Variants in SEPTIN11 observed in about 807,000 individuals in gnomAD.
SEPTIN11 encodes the protein septin 11.
SEPTIN11 carries 25 observed loss-of-function variants against 51.4 expected under a neutral mutation model. The ratio of observed to expected loss-of-function variants is 0.49; its 90% CI spans 0.35 to 0.68. The LOEUF (loss-of-function observed/expected upper bound fraction) is 0.68, where lower values mean the gene tolerates loss of function less well. Ranked by LOEUF, SEPTIN11 falls within the 30% of genes least tolerant of loss-of-function variation. SEPTIN11 has a pLI of 0.00. For synonymous variants in SEPTIN11, 174 were observed against 184.1 expected (o/e 0.95, Z 0.44); for missense variants, 381 against 520.8 (o/e 0.73, Z 2.61).
At chr4:77,028,254 G>A (rs1489105525) in intron 7 of SEPTIN11, among the ~76,000 whole-genome samples, 1 of 152,138 alleles carries the variant, frequency 6.6e-6, no homozygotes, top group Admixed American at 6.5e-5. Context: ...ATTCCAATCC[G>A]GATCTGTGGG....
intron 4 of SEPTIN11, among the ~76,000 whole-genome samples, chr4:77,013,012 G>A (rs183400120): frequency 7.9e-5 from 12 of 152,326 alleles, no homozygotes; most frequent in South Asian, 4.1e-4. Context: ...AGTGAGGGCC[G>A]CTTCCGGGTC....
At chr4:76,967,119 TCCAGGAGG>T (rs1722066101) in intron 1 of SEPTIN11, among the ~76,000 whole-genome samples, 1 of 151,928 alleles carries the variant, frequency 6.6e-6, no homozygotes, top group African/African-American at 2.4e-5. Context: ...ATTGCTTGAG[TCCAGGAGG>T]CAGAGGTTTC....
chr4:77,025,416 T>C (rs2109977949), intron 7 of SEPTIN11, among the ~76,000 whole-genome samples: 1 of 152,118 alleles, frequency 6.6e-6, no homozygotes, highest in East Asian at 1.9e-4. Flanking sequence ...TGGCACATGC[T>C]TGTGTTTGGT....
chr4:76,975,173 G>A (rs1376260063), intron 1 of SEPTIN11, among the ~76,000 whole-genome samples: 1 of 151,864 alleles, frequency 6.6e-6, no homozygotes, highest in East Asian at 1.9e-4. Flanking sequence ...CTTTTAAAAG[G>A]CTTATTGAAC....
intron 1 of SEPTIN11, among the ~76,000 whole-genome samples, chr4:76,966,388 C>CT (rs1183527245): frequency 6.6e-6 from 1 of 151,204 alleles, no homozygotes; most frequent in Admixed American, 6.6e-5. Context: ...ACTGTTAAGG[C>CT]TTGTAAAATG....
intron 1 of SEPTIN11, among the ~76,000 whole-genome samples, chr4:76,966,539 CAAT>C: frequency 6.6e-6 from 1 of 150,914 alleles, no homozygotes. Flanking sequence ...TTAAATCTAA[CAAT>C]AATACATCTT....
At chr4:77,028,825 G>A (rs1726381289) in intron 8 of SEPTIN11, 64 bp downstream of exon 8, 73 of 1,520,204 alleles carry the variant, frequency 4.8e-5, no homozygotes, top group Non-Finnish European at 6.1e-5. Flanking sequence ...AATACATCAC[G>A]CTTTAGAGGA....
At chr4:76,992,099 C>T (rs775967724) in intron 1 of SEPTIN11, among the ~76,000 whole-genome samples, 2 of 152,166 alleles carry the variant, frequency 1.3e-5, no homozygotes, top group Non-Finnish European at 2.9e-5. Context: ...TAGTTACTTA[C>T]TTAGTGGTTC....
intron 1 of SEPTIN11, among the ~76,000 whole-genome samples, chr4:76,976,699 C>T (rs950405842): frequency 2.6e-5 from 4 of 152,182 alleles, no homozygotes; most frequent in Admixed American, 6.5e-5. Flanking sequence ...GACCCAATAC[C>T]TCTAGTGAGG....
intron 1 of SEPTIN11, among the ~76,000 whole-genome samples, chr4:76,953,912 A>G (rs575416634): frequency 6.6e-6 from 1 of 152,354 alleles, no homozygotes; most frequent in South Asian, 2.1e-4. Flanking sequence ...AATAGTTCTT[A>G]GGTGTTTAGT....
Position 77,036,945 on chromosome 4 carries a change from T to C in SEPTIN11, c.*2433T>C. On this transcript the variant is annotated 3_prime_UTR_variant, in exon 10 of 10. Coordinates refer to ENST00000264893, the MANE Select transcript of SEPTIN11 (RefSeq NM_018243.4). ...TTTCTTTTCAAGGGGGGCAGGAAGG[T>C]AATGGTTTGAGTAGCCTTTGTTTAA... The C allele has an allele frequency of 1.5e-6, 2 of 1,314,416 alleles. No homozygotes were observed. The highest frequency in any genetic ancestry group is 9.6e-7 in the Non-Finnish European group (1 of 1,036,514). 81.4% of individuals were successfully genotyped at this position (1,314,416 alleles called of 1,614,324 possible).
intron 7 of SEPTIN11, among the ~76,000 whole-genome samples, chr4:77,028,314 C>T (rs575622293): frequency 3.2e-4 from 48 of 152,164 alleles, no homozygotes; most frequent in Non-Finnish European, 5.9e-4. Context: ...TCTCCATCTT[C>T]TCAAATTCTA....
intron 1 of SEPTIN11, among the ~76,000 whole-genome samples, chr4:76,967,421 T>C (rs1722078059): frequency 1.3e-5 from 2 of 152,116 alleles, no homozygotes; most frequent in South Asian, 4.1e-4. Context: ...GCTTATTTAT[T>C]TGAGGGAGAA....
chr4:76,982,598 C>G (rs1722825321), intron 1 of SEPTIN11, among the ~76,000 whole-genome samples: 1 of 152,222 alleles, frequency 6.6e-6, no homozygotes, highest in Non-Finnish European at 1.5e-5. Flanking sequence ...ACATTCATCT[C>G]CATTGTCTAA....
At chr4:77,029,841 T>C (rs1451540351) in intron 8 of SEPTIN11, among the ~76,000 whole-genome samples, 1 of 152,094 alleles carries the variant, frequency 6.6e-6, no homozygotes, top group African/African-American at 2.4e-5. Flanking sequence ...TGTATATATA[T>C]ACAAACACAT....
chr4:77,007,997 A>G (rs1415977611), intron 3 of SEPTIN11, among the ~76,000 whole-genome samples: 1 of 152,250 alleles, frequency 6.6e-6, no homozygotes, highest in Non-Finnish European at 1.5e-5. Flanking sequence ...CATAGATGCA[A>G]GACTTCAAGA....
intron 1 of SEPTIN11, among the ~76,000 whole-genome samples, chr4:76,956,944 G>A (rs1046824124): frequency 7.0e-6 from 1 of 142,156 alleles, no homozygotes; most frequent in Non-Finnish European, 1.5e-5. Context: ...TCTGATTCTA[G>A]CTGGGCATAG....
intron 1 of SEPTIN11, among the ~76,000 whole-genome samples, chr4:76,989,045 A>C (rs1448303361): frequency 6.6e-6 from 1 of 152,230 alleles, no homozygotes; most frequent in Non-Finnish European, 1.5e-5. Flanking sequence ...ATGCATCTCT[A>C]ACATCCAGAT....
At position 77,038,041 on chromosome 4, in the gene SEPTIN11, T is replaced by C. The variant is rs1279181679; in HGVS notation, c.*3529T>C. The stretch of plus-strand genomic sequence containing the variant: ...GCTGTTACCGACCCACGTCCTGCTG[T>C]CTCTGTGTGGTCCTACAAAAACTGT... On this transcript the variant is annotated 3_prime_UTR_variant, in exon 10 of 10. Coordinates refer to ENST00000264893, the MANE Select transcript of SEPTIN11 (RefSeq NM_018243.4). 1.4e-5 allele frequency: 14 copies of C among 985,752 alleles called. No individual in the cohort carries two copies. Among genetic ancestry groups the C allele is most frequent in the Non-Finnish European group, 1.6e-5 (13 of 829,954 alleles). 61.1% of individuals were successfully genotyped at this position (985,752 alleles called of 1,614,324 possible).
Sources: gnomAD v4.1 joint callset for allele counts (sites outside exome capture counted in the v4.1 genomes callset) on GRCh38, gnomAD v4.1.1 for gene constraint, MANE v1.5 for transcripts, NCBI Gene and HGNC (gene_info 2026-07-23, HGNC 2026-07-21) for gene names.